The following PLCH2 variants were observed in gnomAD, a reference collection of about 807,000 sequenced individuals.
PLCH2 encodes the protein 1-phosphatidylinositol 4,5-bisphosphate phosphodiesterase eta-2.
In PLCH2, 98 loss-of-function variants were observed where a neutral mutation model predicts 134.7. That is an observed-to-expected ratio of 0.73 (90% CI 0.62 to 0.86). The LOEUF is 0.86. Ranked by LOEUF, PLCH2 falls within the 40% of genes least tolerant of loss-of-function variation. The probability of loss-of-function intolerance (pLI) is 0.00; values close to 1 mark genes in which losing one functional copy is unlikely to be tolerated. For missense variants in PLCH2, 1,994 were observed against 1,986.6 expected, an observed-to-expected ratio of 1.00 and a Z score of -0.07; for synonymous variants, 974 against 827.5, an observed-to-expected ratio of 1.18 and a Z score of -3.04.
chr1:2,429,481 A>G (rs908289409), intron 1 of PLCH2, among the ~76,000 whole-genome samples: 1 of 152,052 alleles, frequency 6.6e-6, no homozygotes, highest in Non-Finnish European at 1.5e-5. Context: ...TTGGCGGGTG[A>G]TGTGGTGGAA....
At chr1:2,460,809 G>A (rs1640772086) in intron 2 of PLCH2, among the ~76,000 whole-genome samples, 1 of 152,168 alleles carries the variant, frequency 6.6e-6, no homozygotes. Context: ...CACCGTGACT[G>A]ACCGTGTGGA....
At chr1:2,458,406 G>C (rs35037470) in intron 2 of PLCH2, among the ~76,000 whole-genome samples, 22,327 of 152,192 alleles carry the variant, frequency 0.15, 1,797 homozygotes, top group East Asian at 0.28. Flanking sequence ...CGGGACCCAT[G>C]ACACAGGAAG....
Position 2,504,865 on chromosome 1 carries a change from G to C in PLCH2, c.3903G>C (p.Glu1301Asp). The change falls in exon 22 of 22, where the codon GAG (glutamate) becomes GAC (aspartate). Residue 1301 changes from glutamate (E) to aspartate (D), a missense_variant. Glu to Asp is a conservative substitution (Grantham distance 45). Transcript: ENST00000378486. ...GPGVRRDTLT[E>D]QLRWLTVFQQ... The stretch of plus-strand genomic sequence containing the variant: ...GGGTGAGACGGGACACCCTGACAGA[G>C]CAGCTGCGCTGGCTCACTGTCTTCC... The C allele has an allele frequency of 1.9e-6, 3 of 1,597,248 alleles. No individual in the cohort carries two copies. The highest frequency in any genetic ancestry group is 2.6e-6 in the Non-Finnish European group (3 of 1,171,874).
intron 10 of PLCH2, 84 bp from the exon 11 acceptor site, chr1:2,491,108 A>G: frequency 7.5e-7 from 1 of 1,331,068 alleles, no homozygotes; most frequent in East Asian, 2.5e-5. Flanking sequence ...GGGTGGGCAG[A>G]GTGCTGTGAC....
rs753138135 is a variant in PLCH2, at chr1:2,497,008, TG to T, written c.2116+1del. 3 of 1,612,364 alleles carry T rather than the reference TG, an allele frequency of 1.9e-6. No individual in the cohort carries two copies. The highest frequency in any genetic ancestry group is 2.2e-5 in the South Asian group (2 of 90,986). On this transcript the variant is annotated frameshift_variant and splice_region_variant, in exon 15 of 22. Coordinates refer to ENST00000378486, the MANE Select transcript of PLCH2 (RefSeq NM_014638.4). LOFTEE classifies it high-confidence loss of function. ...PQPFWNAGCQ[M>X]VALNYQSEGR... is the part of the protein sequence containing the mutation. The stretch of plus-strand genomic sequence containing the variant: ...CCCTTCTGGAACGCCGGCTGCCAAA[TG>T]GGTGGGTGCGGGCATGGTGCGCTGG...
chr1:2,487,260 G>A lies in PLCH2; in HGVS notation c.998G>A (p.Ser333Asn). The change falls in exon 7 of 22, where the codon AGC becomes AAC. Residue 333 changes from serine to asparagine, a missense_variant. Ser to Asn is a conservative substitution (Grantham distance 46, BLOSUM62 1). This residue lies in a region of PLCH2 where 1,094 missense variants were observed against 1,234.3 expected (regional missense o/e 0.89). Transcript: ENST00000378486. ...HVHQDMTQPL[S>N]HYFITSSHNT... is the part of the protein sequence containing the mutation. ...CACCAGGACATGACGCAGCCGCTGA[G>A]CCACTACTTCATCACCTCGTCCCAC... is the stretch of plus-strand genomic sequence containing the variant. The A allele has an allele frequency of 6.2e-7, 1 of 1,613,344 alleles. No individual in the cohort carries two copies. Among genetic ancestry groups the A allele is most frequent in the Non-Finnish European group, 8.5e-7 (1 of 1,179,702 alleles).
Position 2,502,531 on chromosome 1 carries a change from C to T in PLCH2, c.2959+122C>T, listed in dbSNP as rs755501457. 6.5e-6 allele frequency: 7 copies of T among 1,075,772 alleles called. No homozygotes were observed. In the South Asian group the frequency reaches 8.0e-5, roughly 12 times the overall value. The allele number at this position is 1,075,772 out of a possible 1,614,324, so 66.6% of individuals were successfully genotyped here. A position where few individuals can be genotyped will look rare whatever the true frequency, so the allele number is the denominator to read the frequency against. The stretch of plus-strand genomic sequence containing the variant: ...GCATGAAGTGTGTGGTGGGATCCTG[C>T]GCCGGCGTGAACACCGGGGGCCTGC... On this transcript the variant is annotated intron_variant, in intron 21 of 21. Coordinates refer to ENST00000378486, the MANE Select transcript of PLCH2 (RefSeq NM_014638.4).
upstream of PLCH2, among the ~76,000 whole-genome samples, chr1:2,466,407 T>A (rs112239223): frequency 5.7e-3 from 869 of 152,254 alleles, 12 homozygotes; most frequent in Non-Finnish European, 7.9e-3. Context: ...CCTTTGAGGG[T>A]GCCAGGCAGC....
chr1:2,487,730 GGCCTAGCGGGGCTGGC>G lies in PLCH2; in HGVS notation c.1235+13_1235+28del. ...TTCATCAAGAATGAGTGAGTGGCTG[GGCCTAGCGGGGCTGGC>G]CCCAGAGGTGGGCAGGGTAGGGTCT... On this transcript the variant is annotated intron_variant, in intron 8 of 21. Transcript: ENST00000378486. 6.2e-7 allele frequency: 1 copy of G among 1,611,178 alleles called. No individual in the cohort carries two copies. The highest frequency in any genetic ancestry group is 8.5e-7 in the Non-Finnish European group (1 of 1,178,894).
At position 2,483,897 on chromosome 1, in the gene PLCH2, T is replaced by TG. The variant is rs1188163222; in HGVS notation, c.646-544dup. Among the ~76,000 whole-genome samples the TG allele has an allele frequency of 4.7e-5, 2 of 42,490 alleles. 1 individual carries two copies. The highest frequency in any genetic ancestry group is 9.7e-5 in the Non-Finnish European group (2 of 20,520). The allele number at this position is 42,490 out of a possible 152,430, so 27.9% of individuals were successfully genotyped here. ...CGTGTGGGTGGCGCTGACTCCCGTGTGGGGGGGCGCTGACTCCCGTGTGGG... is the reference window on the plus strand; with the variant it reads ...CGTGTGGGTGGCGCTGACTCCCGTGTGGGGGGGGCGCTGACTCCCGTGTGGG... On this transcript the variant is annotated intron_variant, in intron 4 of 21. Coordinates refer to ENST00000378486, the MANE Select transcript of PLCH2 (RefSeq NM_014638.4).
In PLCH2 at chr1:2,502,237, G is replaced by A. The variant is rs1335319392; in HGVS notation, c.2787G>A (p.Thr929=). The A allele has an allele frequency of 1.7e-5, 26 of 1,541,350 alleles. No homozygotes were observed. Among genetic ancestry groups the A allele is most frequent in the Middle Eastern group, 3.6e-4 (2 of 5,578 alleles). ...PSVSQRILRR[T]ASAPTKSQKP... Reference sequence around the variant, plus strand: ...TTAGCCAGCGGATCCTGCGGCGCACGGCCAGCGCCCCGACCAAGAGCCAGA... The same window carrying A: ...TTAGCCAGCGGATCCTGCGGCGCACAGCCAGCGCCCCGACCAAGAGCCAGA... Residue 929 remains threonine (T), a synonymous_variant, in exon 21 of 22, where the codon ACG becomes ACA. Coordinates refer to ENST00000378486, the MANE Select transcript of PLCH2 (RefSeq NM_014638.4).
upstream of PLCH2, among the ~76,000 whole-genome samples, chr1:2,464,909 G>C (rs973593708): frequency 1.3e-5 from 2 of 152,206 alleles, no homozygotes; most frequent in Non-Finnish European, 2.9e-5. Context: ...GACTGAAGAC[G>C]GGACCCTCAG....
At chr1:2,441,755 G>T (rs1259135685) in intron 2 of PLCH2, among the ~76,000 whole-genome samples, 1 of 152,136 alleles carries the variant, frequency 6.6e-6, no homozygotes, top group Non-Finnish European at 1.5e-5. Flanking sequence ...CCAGGAACTA[G>T]CCTTTCCTTG....
chr1:2,483,689 C>T (rs1642096141), intron 4 of PLCH2, among the ~76,000 whole-genome samples: 2 of 152,084 alleles, frequency 1.3e-5, no homozygotes, highest in South Asian at 4.1e-4. Context: ...ATGGGATTCC[C>T]ATGGCCCCTG....
upstream of PLCH2, among the ~76,000 whole-genome samples, chr1:2,472,495 C>T (rs1412456289): frequency 6.6e-6 from 1 of 152,144 alleles, no homozygotes; most frequent in Non-Finnish European, 1.5e-5. Context: ...GCATCTGGCC[C>T]TCATGCCTCA....
intron 2 of PLCH2, among the ~76,000 whole-genome samples, chr1:2,478,897 G>C (rs769719644): frequency 6.6e-5 from 10 of 152,146 alleles, no homozygotes; most frequent in Admixed American, 5.2e-4. Flanking sequence ...GGAAGGAGGG[G>C]CACAGCATAG....
At position 2,504,458 on chromosome 1, in the gene PLCH2, G is replaced by A; in HGVS notation, c.3496G>A (p.Gly1166Ser). ...IDLSLPSLGL[G>S]RSRENLAGAH... ...CCTCTCCCTGCCCAGCCTGGGCCTGGGCCGCAGCCGTGAGAACCTCGCTGG... is the reference window on the plus strand; with the variant it reads ...CCTCTCCCTGCCCAGCCTGGGCCTGAGCCGCAGCCGTGAGAACCTCGCTGG... The change falls in exon 22 of 22, where the codon GGC becomes AGC. Residue 1166 changes from glycine to serine, a missense_variant. Transcript: ENST00000378486. 6.2e-7 allele frequency: 1 copy of A among 1,612,310 alleles called. No homozygotes were observed. Among genetic ancestry groups the A allele is most frequent in the Non-Finnish European group, 8.5e-7 (1 of 1,179,710 alleles).
chr1:2,502,205 C>T lies in PLCH2; in HGVS notation c.2755C>T (p.Pro919Ser), dbSNP rs1274906046. Residue 919 changes from proline to serine, a missense_variant, in exon 21 of 22, where the codon CCC becomes TCC. Around this residue, in one of 2 missense-constraint regions of PLCH2, gnomAD observed 900 missense variants for 752.3 expected, o/e 1.20. Transcript: ENST00000378486. ...SHAAGRPPAR[P>S]SVSQRILRRT... ...TGCTGCTGGGCGGCCCCCGGCCCGG[C>T]CCTCCGTTAGCCAGCGGATCCTGCG... 2.0e-6 allele frequency: 3 copies of T among 1,537,976 alleles called. No homozygotes were observed. Among genetic ancestry groups the T allele is most frequent in the Non-Finnish European group, 1.7e-6 (2 of 1,144,094 alleles).
chr1:2,471,106 CT>C (rs1321848141), intron 1 of PLCH2, among the ~76,000 whole-genome samples: 1 of 152,164 alleles, frequency 6.6e-6, no homozygotes, highest in Non-Finnish European at 1.5e-5. Flanking sequence ...GGTCCCCTTC[CT>C]GATGGGGCTG....
Sources: gnomAD v4.1 joint callset for allele counts (sites outside exome capture counted in the v4.1 genomes callset) on GRCh38, gnomAD v4.1.1 for gene constraint, gnomAD v4.1.1 regional missense constraint, MANE v1.5 for transcripts, NCBI Gene and HGNC (gene_info 2026-07-23, HGNC 2026-07-21) for gene names.